ARHGEF28: variants seen among roughly 807,000 people sequenced by gnomAD.
ARHGEF28 encodes Rho guanine nucleotide exchange factor 28, also known as 190 kDa guanine nucleotide exchange factor.
Under a neutral mutation model 206.6 loss-of-function variants are expected in ARHGEF28, and 152 were observed. The observed-to-expected ratio is 0.74, with a 90% CI of 0.64 to 0.84. The LOEUF (loss-of-function observed/expected upper bound fraction) is 0.84, where lower values mean the gene tolerates loss of function less well. Ranked by LOEUF, ARHGEF28 falls within the 40% of genes least tolerant of loss-of-function variation. ARHGEF28 has a pLI of 0.00. For missense variants in ARHGEF28, 2,028 were observed against 2,073.2 expected (o/e 0.98, Z 0.42); for synonymous variants, 763 against 776.4 (o/e 0.98, Z 0.29).
chr5:73,874,408 T>A (rs1018908327), intron 22 of ARHGEF28, among the ~76,000 whole-genome samples: 6 of 152,114 alleles, frequency 3.9e-5, no homozygotes, highest in Admixed American at 2.6e-4. Context: ...TTATTTATTT[T>A]TATTTTTTTG....
intron 1 of ARHGEF28, among the ~76,000 whole-genome samples, chr5:73,673,210 G>A (rs1273577223): frequency 1.3e-5 from 2 of 152,140 alleles, no homozygotes; most frequent in Non-Finnish European, 2.9e-5. Flanking sequence ...CTTAGACTTG[G>A]CCTTATCTCC....
chr5:73,823,595 G>C (rs1287660427), intron 9 of ARHGEF28, among the ~76,000 whole-genome samples: 1 of 152,182 alleles, frequency 6.6e-6, no homozygotes, highest in African/African-American at 2.4e-5. Flanking sequence ...ACTGTTCTGT[G>C]AATGTTTTCT....
At chr5:73,775,241 A>G (rs1269707944) in intron 5 of ARHGEF28, among the ~76,000 whole-genome samples, 3 of 152,236 alleles carry the variant, frequency 2.0e-5, no homozygotes, top group African/African-American at 7.2e-5. Flanking sequence ...ACTGTGTCCA[A>G]GACGAGAAGA....
rs1212808503 is a variant in ARHGEF28 at position 73,909,402 on chromosome 5, G to T, written c.4162-10G>T. 2 of 1,586,676 alleles carry T rather than the reference G, an allele frequency of 1.3e-6. No individual in the cohort carries two copies. Among genetic ancestry groups the T allele is most frequent in the Non-Finnish European group, 1.7e-6 (2 of 1,162,320 alleles). ...GTGTTCAGTGATTTTTCCTCTGTCT[G>T]CTCTGACAGGCCGCCTTGACCATTC... is the stretch of plus-strand genomic sequence containing the variant. On this transcript the variant is annotated splice_polypyrimidine_tract_variant and intron_variant, in intron 33 of 35. Coordinates refer to ENST00000513042, the MANE Select transcript of ARHGEF28 (RefSeq NM_001177693.2).
intron 34 of ARHGEF28, 146 bp downstream of exon 34, chr5:73,910,043 C>G: frequency 7.8e-7 from 1 of 1,278,608 alleles, no homozygotes; most frequent in Non-Finnish European, 1.0e-6. Context: ...GTAGCCAAAG[C>G]TGGAAGCTTT....
At chr5:73,845,011 A>ATTTTT (rs70973277) in intron 11 of ARHGEF28, among the ~76,000 whole-genome samples, 37 of 99,356 alleles carry the variant, frequency 3.7e-4, no homozygotes, top group East Asian at 5.9e-4. Flanking sequence ...CAAAGGAATC[A>ATTTTT]TTTTTTTTTT....
chr5:73,760,939 T>G (rs1221654986), intron 4 of ARHGEF28, among the ~76,000 whole-genome samples: 1 of 152,228 alleles, frequency 6.6e-6, no homozygotes, highest in Non-Finnish European at 1.5e-5. Context: ...CAATGGCCCT[T>G]ATACTGGAAT....
chr5:73,683,958 T>C (rs1747276170), intron 1 of ARHGEF28, among the ~76,000 whole-genome samples: 1 of 152,206 alleles, frequency 6.6e-6, no homozygotes, highest in African/African-American at 2.4e-5. Flanking sequence ...GTGTGGAAAC[T>C]AATATAAAAT....
intron 35 of ARHGEF28, among the ~76,000 whole-genome samples, chr5:73,928,587 A>G: frequency 6.6e-6 from 1 of 152,168 alleles, no homozygotes; most frequent in East Asian, 1.9e-4. Context: ...TGCATCTTGT[A>G]TGCTTAAGAA....
chr5:73,821,306 T>C (rs1756571019), intron 9 of ARHGEF28, among the ~76,000 whole-genome samples: 8 of 152,110 alleles, frequency 5.3e-5, no homozygotes, highest in Admixed American at 5.2e-4. Context: ...TGAGGACACA[T>C]AAAAAATAAG....
intron 9 of ARHGEF28, among the ~76,000 whole-genome samples, chr5:73,806,741 TACC>T (rs1480611137): frequency 9.0e-5 from 13 of 143,932 alleles, no homozygotes; most frequent in African/African-American, 3.1e-4. Flanking sequence ...CATCTATATG[TACC>T]ATATATACGA....
intron 2 of ARHGEF28, among the ~76,000 whole-genome samples, chr5:73,713,790 G>A (rs1749404660): frequency 6.6e-6 from 1 of 152,152 alleles, no homozygotes; most frequent in East Asian, 1.9e-4. Flanking sequence ...ACATCTTAAA[G>A]GAAGACATGG....
chr5:73,800,118 G>C (rs1376704859), intron 9 of ARHGEF28, among the ~76,000 whole-genome samples: 2 of 152,050 alleles, frequency 1.3e-5, no homozygotes, highest in Non-Finnish European at 2.9e-5. Context: ...CCACCCAAAG[G>C]CAGTTACTAT....
At position 73,723,762 on chromosome 5, in the gene ARHGEF28, G is replaced by A. The variant is rs138298033; in HGVS notation, c.34-26075G>A. On this transcript the variant is annotated intron_variant, in intron 2 of 35. Coordinates refer to ENST00000513042, the MANE Select transcript of ARHGEF28 (RefSeq NM_001177693.2). ...CATATTTTTCTAATATCACAAAGGC[G>A]TGGAGGGCATTCTAAGCCCTAAATT... 1.6e-4 allele frequency among the ~76,000 whole-genome samples: 24 copies of A among 152,306 alleles called. No individual in the cohort carries two copies. In the East Asian group the frequency reaches 3.9e-3, roughly 25 times the overall value.
chr5:73,799,534 A>C (rs1008158435), intron 9 of ARHGEF28, among the ~76,000 whole-genome samples: 1 of 152,158 alleles, frequency 6.6e-6, no homozygotes, highest in Non-Finnish European at 1.5e-5. Flanking sequence ...CTGTTCTTTC[A>C]TCGAATAATA....
chr5:73,692,133 A>G (rs1318021428), intron 2 of ARHGEF28, among the ~76,000 whole-genome samples: 1 of 152,192 alleles, frequency 6.6e-6, no homozygotes, highest in Non-Finnish European at 1.5e-5. Flanking sequence ...TAAATTTTGT[A>G]TGTTGATTAA....
intron 9 of ARHGEF28, among the ~76,000 whole-genome samples, chr5:73,811,924 A>G (rs1033535342): frequency 2.0e-5 from 3 of 151,204 alleles, no homozygotes; most frequent in Admixed American, 6.6e-5. Context: ...CAGAGGTTGC[A>G]ATGAGCCGAG....
intron 2 of ARHGEF28, among the ~76,000 whole-genome samples, chr5:73,685,658 C>CTG (rs1747417318): frequency 6.6e-6 from 1 of 152,016 alleles, no homozygotes; most frequent in Non-Finnish European, 1.5e-5. Context: ...GAGTCTTACT[C>CTG]TGTCACCAGG....
intron 1 of ARHGEF28, among the ~76,000 whole-genome samples, chr5:73,657,002 C>CTT (rs1005702394): frequency 6.6e-6 from 1 of 151,870 alleles, no homozygotes; most frequent in African/African-American, 2.4e-5. Flanking sequence ...AATCCTGTCT[C>CTT]TACTAAAAAA....
Sources: gnomAD v4.1 joint callset for allele counts (sites outside exome capture counted in the v4.1 genomes callset) on GRCh38, gnomAD v4.1.1 for gene constraint, MANE v1.5 for transcripts, NCBI Gene and HGNC (gene_info 2026-07-23, HGNC 2026-07-21) for gene names.